The following HFM1 variants were observed in gnomAD, a reference collection of about 807,000 sequenced individuals.
HFM1 encodes helicase for meiosis 1.
Under a neutral mutation model 192.1 loss-of-function variants are expected in HFM1, and 169 were observed. That is an observed-to-expected ratio of 0.88 (90% CI 0.78 to 1.00). The LOEUF (loss-of-function observed/expected upper bound fraction) is 1.00, where lower values mean the gene tolerates loss of function less well. HFM1 is among the 50% of genes least tolerant of loss of function. The probability of loss-of-function intolerance (pLI) is 0.00; values close to 1 mark genes in which losing one functional copy is unlikely to be tolerated. For synonymous variants in HFM1, 525 were observed against 537.8 expected (o/e 0.98, Z 0.33); for missense variants, 1,661 against 1,668.0 (o/e 1.00, Z 0.07).
chr1:91,313,822 T>G (rs1283789866), intron 29 of HFM1, 135 bp downstream of exon 29: 3 of 485,476 alleles, frequency 6.2e-6, no homozygotes, highest in African/African-American at 6.0e-5. Context: ...CCTTTGAAGT[T>G]TATTCATATT....
intron 18 of HFM1, among the ~76,000 whole-genome samples, chr1:91,349,676 C>T (rs952015294): frequency 6.6e-6 from 1 of 152,208 alleles, no homozygotes; most frequent in Admixed American, 6.5e-5. Context: ...CTTCAGATGA[C>T]TGCAGCCCTA....
rs569203966 is a variant in HFM1 at position 91,335,355 on chromosome 1, T to C, written c.2335+8075A>G. 2.6e-5 allele frequency among the ~76,000 whole-genome samples: 4 copies of C among 152,268 alleles called. No individual in the cohort carries two copies. The South Asian group carries it at 8.3e-4, about 32-fold the overall frequency. On this transcript the variant is annotated intron_variant, in intron 20 of 38. Coordinates refer to ENST00000370425, the MANE Select transcript of HFM1 (RefSeq NM_001017975.6). ...AAGATGGTCCTCTTACCCTAAATAT[T>C]TATAAGTTAATATAAGGTCTCTTCC...
chr1:91,306,411 G>T (rs916465075), intron 30 of HFM1, among the ~76,000 whole-genome samples: 2 of 152,084 alleles, frequency 1.3e-5, no homozygotes, highest in African/African-American at 4.8e-5. Context: ...TCATAAATGA[G>T]TACTGAATTT....
At chr1:91,376,418 A>G (rs1423963641) in intron 11 of HFM1, among the ~76,000 whole-genome samples, 4 of 152,138 alleles carry the variant, frequency 2.6e-5, no homozygotes, top group African/African-American at 7.2e-5. Context: ...GGGGAGCAGA[A>G]GGCCAAGAAT....
At chr1:91,289,989 A>G (rs2100916378) in intron 30 of HFM1, among the ~76,000 whole-genome samples, 1 of 152,126 alleles carries the variant, frequency 6.6e-6, no homozygotes, top group East Asian at 1.9e-4. Context: ...CTTTACAGAC[A>G]AGCAAATGCT....
chr1:91,331,004 G>A (rs1166319116), intron 20 of HFM1, among the ~76,000 whole-genome samples: 4 of 152,154 alleles, frequency 2.6e-5, no homozygotes, highest in Admixed American at 6.6e-5. Context: ...CATATATCAT[G>A]ACCCACAGCT....
Position 91,316,160 on chromosome 1 carries a change from C to A in HFM1, c.2923G>T (p.Gly975Ter). 6.3e-7 allele frequency: 1 copy of A among 1,587,686 alleles called. No homozygotes were observed. The highest frequency in any genetic ancestry group is 8.6e-7 in the Non-Finnish European group (1 of 1,161,546). The change falls in exon 27 of 39, where the codon GGA (glycine) becomes TGA (stop). Residue 975 changes from glycine (G) to a stop codon, truncating the protein, a stop_gained. Transcript: ENST00000370425. LOFTEE classifies it high-confidence loss of function. ...ELILNRHPPF[G>*]TQIKETVMYL... Reference sequence around the variant, plus strand: ...ATCACAGTTTCTTTTATCTGGGTTCCAAAGGGGGGATGTCTGTTTAAAATC... The same window carrying A: ...ATCACAGTTTCTTTTATCTGGGTTCAAAAGGGGGGATGTCTGTTTAAAATC...
intron 30 of HFM1, among the ~76,000 whole-genome samples, chr1:91,281,544 G>C (rs1029715472): frequency 2.6e-5 from 4 of 152,018 alleles, no homozygotes; most frequent in Non-Finnish European, 5.9e-5. Flanking sequence ...GGATTCTTGG[G>C]CTTTTTCTTT....
chr1:91,353,770 G>C (rs1228915179), intron 13 of HFM1, among the ~76,000 whole-genome samples: 1 of 150,526 alleles, frequency 6.6e-6, no homozygotes, highest in Non-Finnish European at 1.5e-5. Flanking sequence ...GATGCCTAAT[G>C]CTCATCTTCC....
chr1:91,270,634 C>A (rs1468534355), intron 34 of HFM1, among the ~76,000 whole-genome samples: 2 of 150,132 alleles, frequency 1.3e-5, no homozygotes, highest in Admixed American at 6.6e-5. Flanking sequence ...AAAGCCCATG[C>A]AGTCTAAGAA....
At chr1:91,280,870 A>G (rs977318470) in intron 30 of HFM1, among the ~76,000 whole-genome samples, 1 of 152,208 alleles carries the variant, frequency 6.6e-6, no homozygotes, top group Non-Finnish European at 1.5e-5. Flanking sequence ...TAAATCCATT[A>G]GGGTGTCCTT....
At chr1:91,341,063 A>G (rs1655259313) in intron 20 of HFM1, among the ~76,000 whole-genome samples, 1 of 152,272 alleles carries the variant, frequency 6.6e-6, no homozygotes, top group African/African-American at 2.4e-5. Flanking sequence ...AATGTTCAGG[A>G]CCTAAACTTG....
intron 20 of HFM1, chr1:91,328,421 C>T (rs549188559): frequency 6.2e-7 from 1 of 1,602,560 alleles, no homozygotes; most frequent in East Asian, 2.2e-5. Context: ...GCTGATGTGG[C>T]CCCCAGTGCC....
At chr1:91,334,175 G>A (rs1307977504) in intron 20 of HFM1, among the ~76,000 whole-genome samples, 2 of 152,158 alleles carry the variant, frequency 1.3e-5, no homozygotes, top group Non-Finnish European at 2.9e-5. Context: ...CAGTGATTAT[G>A]AGTCCTGATC....
At chr1:91,398,680 T>C (rs747963146) in intron 2 of HFM1, among the ~76,000 whole-genome samples, 2 of 151,020 alleles carry the variant, frequency 1.3e-5, no homozygotes, top group African/African-American at 4.9e-5. Flanking sequence ...ATGCATTGTC[T>C]CTCCTCATCT....
intron 20 of HFM1, among the ~76,000 whole-genome samples, chr1:91,328,200 C>T (rs926194339): frequency 6.6e-6 from 1 of 152,120 alleles, no homozygotes; most frequent in African/African-American, 2.4e-5. Context: ...AAAAGGTTAA[C>T]AAAATTGACA....
chr1:91,339,821 T>C (rs1655090600), intron 20 of HFM1, among the ~76,000 whole-genome samples: 1 of 152,008 alleles, frequency 6.6e-6, no homozygotes, highest in African/African-American at 2.4e-5. Context: ...AGATACTATA[T>C]AGAACAGCCA....
At chr1:91,406,533 G>T (rs1259883316), upstream of HFM1, among the ~76,000 whole-genome samples, 1 of 152,204 alleles carries the variant, frequency 6.6e-6, no homozygotes. Flanking sequence ...CCTCAGGACA[G>T]TGATAAAGTT....
At chr1:91,296,348 T>A (rs1433942194) in intron 30 of HFM1, among the ~76,000 whole-genome samples, 2 of 152,238 alleles carry the variant, frequency 1.3e-5, no homozygotes, top group Admixed American at 1.3e-4. Flanking sequence ...GTAGGTGTAT[T>A]TCTGGACTCT....
Sources: gnomAD v4.1 joint callset for allele counts (sites outside exome capture counted in the v4.1 genomes callset) on GRCh38, gnomAD v4.1.1 for gene constraint, MANE v1.5 for transcripts, NCBI Gene and HGNC (gene_info 2026-07-23, HGNC 2026-07-21) for gene names.